The following NPL variants were observed in gnomAD, a reference collection of about 807,000 sequenced individuals.
The protein encoded by NPL is N-acetylneuraminate lyase.
NPL carries 32 observed loss-of-function variants against 41.1 expected under a neutral mutation model. That is an observed-to-expected ratio of 0.78 (90% CI 0.59 to 1.05). NPL has a LOEUF of 1.05. NPL is among the 50% of genes least tolerant of loss of function. NPL has a pLI of 0.00. For missense variants in NPL, 321 were observed against 378.4 expected, an observed-to-expected ratio of 0.85 and a Z score of 1.26; for synonymous variants, 128 against 134.9, an observed-to-expected ratio of 0.95 and a Z score of 0.35.
Position 182,816,703 on chromosome 1 carries a change from T to A in NPL, c.365-11T>A. 6.2e-7 allele frequency: 1 copy of A among 1,603,344 alleles called. No individual in the cohort carries two copies. Among genetic ancestry groups the A allele is most frequent in the Non-Finnish European group, 8.5e-7 (1 of 1,170,744 alleles). On this transcript the variant is annotated splice_polypyrimidine_tract_variant and intron_variant, in intron 7 of 12. Coordinates refer to ENST00000367553, the MANE Select transcript of NPL (RefSeq NM_030769.3). ...CTGTTCACACCATGACTGTTCCTAC[T>A]GTTCTTTCAGATATCCTGATTAATT...
chr1:182,817,850 C>T (rs1269221019), intron 8 of NPL, among the ~76,000 whole-genome samples: 1 of 152,242 alleles, frequency 6.6e-6, no homozygotes, highest in Non-Finnish European at 1.5e-5. Flanking sequence ...CTCCAGGCAC[C>T]TTCACGTATT....
intron 5 of NPL, among the ~76,000 whole-genome samples, chr1:182,806,964 G>A (rs774970681): frequency 1.3e-5 from 2 of 152,000 alleles, no homozygotes; most frequent in Non-Finnish European, 2.9e-5. Context: ...TCAGCCTCCC[G>A]AGTAGCTGGG....
chr1:182,820,701 G>T (rs559554007), intron 10 of NPL, among the ~76,000 whole-genome samples: 2 of 152,074 alleles, frequency 1.3e-5, no homozygotes, highest in Non-Finnish European at 2.9e-5. Flanking sequence ...GGTGCCACAC[G>T]CTTTTAAATA....
chr1:182,824,087 C>G (rs1471391163), intron 11 of NPL, among the ~76,000 whole-genome samples: 8 of 152,174 alleles, frequency 5.3e-5, no homozygotes, highest in Non-Finnish European at 4.4e-5. Context: ...TAAGTGCCAT[C>G]TGTTATATTT....
chr1:182,807,610 C>A (rs573113932), intron 5 of NPL, among the ~76,000 whole-genome samples: 106 of 151,504 alleles, frequency 7.0e-4, no homozygotes, highest in Admixed American at 1.2e-3. Context: ...GGCATGGTGG[C>A]TCATGCCTGT....
chr1:182,801,920 C>G (rs1448329376), intron 3 of NPL, among the ~76,000 whole-genome samples: 1 of 152,202 alleles, frequency 6.6e-6, no homozygotes, highest in Non-Finnish European at 1.5e-5. Context: ...GCCTCCCTAG[C>G]TGTCATTTAT....
chr1:182,822,159 C>A lies in NPL; in HGVS notation c.698C>A (p.Ala233Asp). 1 of 1,613,778 alleles carries A rather than the reference C, an allele frequency of 6.2e-7. No individual in the cohort carries two copies. Among genetic ancestry groups the A allele is most frequent in the Non-Finnish European group, 8.5e-7 (1 of 1,179,660 alleles). ...AAAAAGACAAACCAGATGTTGGAGGCTTTTGAACAAAAGGACTTCTCTTTA... is the reference window on the plus strand; with the variant it reads ...AAAAAGACAAACCAGATGTTGGAGGATTTTGAACAAAAGGACTTCTCTTTA... The part of the protein sequence containing the change: ...LGKKTNQMLE[A>D]FEQKDFSLAL... Residue 233 changes from alanine (A) to aspartate (D), a missense_variant, in exon 11 of 13, where the codon GCT becomes GAT. Physicochemically the swap from Ala to Asp is moderately radical, Grantham distance 126. Coordinates refer to ENST00000367553, the MANE Select transcript of NPL (RefSeq NM_030769.3).
Position 182,822,219 on chromosome 1 carries a change from C to T in NPL, c.738+20C>T, listed in dbSNP as rs776887580. Reference sequence around the variant, plus strand: ...TATCAGGTAAACGTTTTCTTCTCTTCCCATAAATCACAGCCTTTTTTCTTC... The same window carrying T: ...TATCAGGTAAACGTTTTCTTCTCTTTCCATAAATCACAGCCTTTTTTCTTC... On this transcript the variant is annotated intron_variant, in intron 11 of 12. Coordinates refer to ENST00000367553, the MANE Select transcript of NPL (RefSeq NM_030769.3). The T allele has an allele frequency of 4.6e-6, 7 of 1,518,054 alleles. No homozygotes were observed. Among genetic ancestry groups the T allele is most frequent in the Admixed American group, 3.3e-5 (2 of 59,922 alleles). The allele number at this position is 1,518,054 out of a possible 1,614,324, so 94.0% of individuals were successfully genotyped here. A position where few individuals can be genotyped will look rare whatever the true frequency, so the allele number is the denominator to read the frequency against.
chr1:182,814,676 A>G (rs1667272722), intron 6 of NPL, 107 bp from the exon 7 acceptor site: 3 of 924,720 alleles, frequency 3.2e-6, no homozygotes, highest in Non-Finnish European at 5.3e-6. Context: ...TTCCAGTGGT[A>G]CATCAGTTAG....
At chr1:182,799,984 T>C (rs1025012416) in intron 3 of NPL, among the ~76,000 whole-genome samples, 4 of 152,190 alleles carry the variant, frequency 2.6e-5, no homozygotes, top group Admixed American at 6.5e-5. Context: ...AACTCACTTC[T>C]GTGAGCACTG....
intron 5 of NPL, among the ~76,000 whole-genome samples, chr1:182,811,536 G>A (rs1260677009): frequency 6.6e-6 from 1 of 152,094 alleles, no homozygotes; most frequent in Non-Finnish European, 1.5e-5. Flanking sequence ...ACCTATAATT[G>A]ATTTTTAAAT....
In NPL at chr1:182,828,914, C is replaced by T; in HGVS notation, c.*6C>T. On this transcript the variant is annotated 3_prime_UTR_variant, in exon 13 of 13. Transcript: ENST00000367553. The surrounding 1 kb of genome is among the most constrained non-coding windows in gnomAD (Gnocchi z 4.0). ...ACTTGGAAGCTGGTAGCTAGTGCCT[C>T]TCTATCAAATCAGGGTTTGCACCTT... 1.2e-6 allele frequency: 2 copies of T among 1,614,108 alleles called. No individual in the cohort carries two copies.
intron 10 of NPL, among the ~76,000 whole-genome samples, chr1:182,821,009 C>T (rs1002420051): frequency 1.3e-5 from 2 of 152,120 alleles, no homozygotes; most frequent in Non-Finnish European, 2.9e-5. Flanking sequence ...TTCGTTTCTC[C>T]CTAGTTATAA....
intron 5 of NPL, chr1:182,806,519 T>C: frequency 6.5e-7 from 1 of 1,536,256 alleles, no homozygotes; most frequent in Non-Finnish European, 8.7e-7. Flanking sequence ...GTTACCCGTC[T>C]TTGGGCTGAA....
At chr1:182,818,515 A>G in intron 8 of NPL, 26 bp from the exon 9 acceptor site, 1 of 1,612,906 alleles carries the variant, frequency 6.2e-7, no homozygotes, top group Non-Finnish European at 8.5e-7. Context: ...TGTGCAGATT[A>G]ATGAGGCACT....
At chr1:182,799,107 G>A (rs1666760153) in intron 3 of NPL, among the ~76,000 whole-genome samples, 1 of 152,118 alleles carries the variant, frequency 6.6e-6, no homozygotes. Flanking sequence ...CAGCAATAGG[G>A]ATTTCTCCCT....
At chr1:182,806,113 T>A (rs1252072364) in intron 4 of NPL, 32 bp from the exon 5 acceptor site, 2 of 1,613,822 alleles carry the variant, frequency 1.2e-6, no homozygotes, top group Non-Finnish European at 8.5e-7. Context: ...AGGTGCTCCT[T>A]GGTCCTGCTG....
At chr1:182,827,868 A>G (rs950869) in intron 12 of NPL, among the ~76,000 whole-genome samples, 5,190 of 152,220 alleles carry the variant, frequency 0.034, 216 homozygotes, top group African/African-American at 0.093. Flanking sequence ...CCCATTGAAC[A>G]TTAGGTTGTA....
intron 6 of NPL, among the ~76,000 whole-genome samples, chr1:182,814,524 G>A (rs998416207): frequency 1.3e-5 from 2 of 152,148 alleles, no homozygotes; most frequent in South Asian, 2.1e-4. Flanking sequence ...AACCACTTAC[G>A]TCTCCTTAGC....
Sources: allele counts gnomAD v4.1 joint callset (sites outside exome capture counted in the v4.1 genomes callset), GRCh38; gene constraint gnomAD v4.1.1; non-coding constraint Gnocchi (gnomAD v3.1); transcripts MANE v1.5; gene names NCBI Gene and HGNC (gene_info 2026-07-23, HGNC 2026-07-21).